Variants in GTPBP4 observed in about 807,000 individuals in gnomAD.
GTPBP4 encodes GTP-binding protein 4.
In GTPBP4, 15 loss-of-function variants were observed where a neutral mutation model predicts 81.7. The observed-to-expected ratio is 0.18, with a 90% confidence interval of 0.12 to 0.28. The LOEUF (loss-of-function observed/expected upper bound fraction) is 0.28, where lower values mean the gene tolerates loss of function less well. Among genes scored for constraint, GTPBP4 ranks in the 10% least tolerant of loss-of-function variants. GTPBP4 has a pLI of 1.00. For synonymous variants in GTPBP4, 272 were observed against 274.6 expected (o/e 0.99, Z 0.09); for missense variants, 847 against 793.8 (o/e 1.07, Z -0.81).
intron 2 of GTPBP4, among the ~76,000 whole-genome samples, chr10:993,909 G>A (rs945718423): frequency 2.6e-5 from 4 of 151,536 alleles, no homozygotes; most frequent in Admixed American, 1.3e-4. Flanking sequence ...ACAGGTGCCC[G>A]CCACCACGCC....
chr10:1,007,841 A>T, intron 10 of GTPBP4: 1 of 506,208 alleles, frequency 2.0e-6, no homozygotes, highest in Non-Finnish European at 3.9e-6. Flanking sequence ...TGTTTATGTA[A>T]TGCTGGGTGC....
chr10:996,058 T>C (rs1268758798), intron 3 of GTPBP4, 26 bp downstream of exon 3: 3 of 1,584,198 alleles, frequency 1.9e-6, no homozygotes, highest in Admixed American at 3.4e-5. Flanking sequence ...CTGTAGTGTC[T>C]TTTAAGTTAT....
At chr10:1,011,105 CCCCCA>C (rs1564470839) in intron 13 of GTPBP4, among the ~76,000 whole-genome samples, 25 of 90,126 alleles carry the variant, frequency 2.8e-4, no homozygotes, top group African/African-American at 7.4e-4. Flanking sequence ...GCACCTCTTC[CCCCCA>C]CCCCGAGACT....
At chr10:1,016,635 G>A (rs1831998874) in intron 16 of GTPBP4, among the ~76,000 whole-genome samples, 2 of 152,190 alleles carry the variant, frequency 1.3e-5, no homozygotes, top group Non-Finnish European at 2.9e-5. Context: ...TGTGTAAGAG[G>A]GAGTTAAAAC....
At chr10:989,751 T>C (rs1163424238) in intron 1 of GTPBP4, among the ~76,000 whole-genome samples, 1 of 152,192 alleles carries the variant, frequency 6.6e-6, no homozygotes, top group Admixed American at 6.5e-5. Flanking sequence ...TTTTCTTTCT[T>C]TCTTTTTGAG....
rs189497061 is a variant in GTPBP4 at position 1,014,515 on chromosome 10, C to T, written c.1608+203C>T. 1.5e-3 allele frequency among the ~76,000 whole-genome samples: 226 copies of T among 152,170 alleles called. 1 individual carries two copies. Among genetic ancestry groups the T allele is most frequent in the African/African-American group, 5.3e-3 (219 of 41,532 alleles). Reference sequence around the variant, plus strand: ...ACTAAAAAAAATACAAAAAATTAGCCGGGCGTGGTGGCGTGTGCCTGTAAT... The same window carrying T: ...ACTAAAAAAAATACAAAAAATTAGCTGGGCGTGGTGGCGTGTGCCTGTAAT... On this transcript the variant is annotated intron_variant, in intron 15 of 16. Transcript: ENST00000360803.
intron 8 of GTPBP4, among the ~76,000 whole-genome samples, chr10:1,005,064 G>A (rs1025847597): frequency 1.3e-5 from 2 of 152,182 alleles, no homozygotes; most frequent in African/African-American, 4.8e-5. Flanking sequence ...CCTCACCGTA[G>A]GGAGAACCTC....
At chr10:1,006,506 C>T (rs7082783) in intron 9 of GTPBP4, among the ~76,000 whole-genome samples, 28,340 of 152,016 alleles carry the variant, frequency 0.19, 2,769 homozygotes, top group East Asian at 0.3. Context: ...GGCGTGGTAG[C>T]GCATGCTTGT....
chr10:1,017,594 A>G lies in GTPBP4; in HGVS notation c.*367A>G, dbSNP rs1832015491. On this transcript the variant is annotated 3_prime_UTR_variant, in exon 17 of 17. Coordinates refer to ENST00000360803, the MANE Select transcript of GTPBP4 (RefSeq NM_012341.3). ...ATGAGTGTGTCGGAATCCCGTGCTT[A>G]AAATACGCTCTTAAATTATTTTCTA... The G allele has an allele frequency of 5.9e-6, 1 of 170,508 alleles. No homozygotes were observed. Among genetic ancestry groups the G allele is most frequent in the Admixed American group, 6.3e-5 (1 of 15,992 alleles). 10.6% of individuals were successfully genotyped at this position (170,508 alleles called of 1,614,324 possible).
In GTPBP4 at chr10:1,017,583, A is replaced by T. The variant is rs1482393934; in HGVS notation, c.*356A>T. The T allele has an allele frequency of 5.6e-6, 1 of 179,676 alleles. No homozygotes were observed. Among genetic ancestry groups the T allele is most frequent in the African/African-American group, 2.3e-5 (1 of 42,560 alleles). 11.1% of individuals were successfully genotyped at this position (179,676 alleles called of 1,614,324 possible). A position where few individuals can be genotyped will look rare whatever the true frequency, so the allele number is the denominator to read the frequency against. On this transcript the variant is annotated 3_prime_UTR_variant, in exon 17 of 17. Transcript: ENST00000360803. ...CAAACACGTTTATGAGTGTGTCGGA[A>T]TCCCGTGCTTAAAATACGCTCTTAA...
At chr10:1,008,791 G>T in intron 10 of GTPBP4, 167 bp from the exon 11 acceptor site, 1 of 658,536 alleles carries the variant, frequency 1.5e-6, no homozygotes, top group Non-Finnish European at 2.8e-6. Flanking sequence ...ATTGGTCTCG[G>T]TATGAACCCA....
rs1240113679 is a variant in GTPBP4 at position 1,007,176 on chromosome 10, G to T, written c.1113+48G>T. 2.9e-6 allele frequency: 3 copies of T among 1,039,036 alleles called. No homozygotes were observed. The South Asian group carries it at 3.8e-5, about 13-fold the overall frequency. The allele number at this position is 1,039,036 out of a possible 1,614,324, so 64.4% of individuals were successfully genotyped here. The stretch of plus-strand genomic sequence containing the variant: ...CGTGGGCTCACAGTACTGTCAGCAG[G>T]TGCTGTCTGCGTGCCTTTTCCAGAA... On this transcript the variant is annotated intron_variant, in intron 10 of 16. Coordinates refer to ENST00000360803, the MANE Select transcript of GTPBP4 (RefSeq NM_012341.3).
Position 1,014,386 on chromosome 10 carries a change from G to GT in GTPBP4, c.1608+75dup, listed in dbSNP as rs1432071385. On this transcript the variant is annotated intron_variant, in intron 15 of 16. Transcript: ENST00000360803. ...TAATAAAGAAAACTGGCCGGGCGTG[G>GT]TGGCTCATGCCTGTAATCCCAGCAC... 6 of 1,087,590 alleles carry GT rather than the reference G, an allele frequency of 5.5e-6. No individual in the cohort carries two copies. In the African/African-American group the frequency reaches 9.3e-5, roughly 17 times the overall value. The allele number at this position is 1,087,590 out of a possible 1,614,324, so 67.4% of individuals were successfully genotyped here. A position where few individuals can be genotyped will look rare whatever the true frequency, so the allele number is the denominator to read the frequency against.
chr10:999,180 A>C, intron 6 of GTPBP4, 85 bp downstream of exon 6: 2 of 765,646 alleles, frequency 2.6e-6, no homozygotes, highest in Non-Finnish European at 4.6e-6. Flanking sequence ...GTGCAGTGGC[A>C]TGATCTCAGT....
At chr10:996,954 A>C (rs1174451664) in intron 4 of GTPBP4, 1 of 453,404 alleles carries the variant, frequency 2.2e-6, no homozygotes, top group Admixed American at 4.0e-5. Context: ...CCTGTCACCT[A>C]ATGAATTAAA....
chr10:995,779 G>A, intron 2 of GTPBP4, 150 bp from the exon 3 acceptor site: 1 of 595,006 alleles, frequency 1.7e-6, no homozygotes, highest in South Asian at 2.0e-5. Flanking sequence ...TTTCTCAGAG[G>A]ACTAAATAGA....
At position 997,198 on chromosome 10, in the gene GTPBP4, CT is replaced by C; in HGVS notation, c.461-6del. The C allele has an allele frequency of 6.7e-7, 1 of 1,492,820 alleles. No homozygotes were observed. Among genetic ancestry groups the C allele is most frequent in the Non-Finnish European group, 9.3e-7 (1 of 1,078,262 alleles). 92.5% of individuals were successfully genotyped at this position (1,492,820 alleles called of 1,614,324 possible). On this transcript the variant is annotated splice_polypyrimidine_tract_variant and intron_variant, in intron 4 of 16. Coordinates refer to ENST00000360803, the MANE Select transcript of GTPBP4 (RefSeq NM_012341.3). ...GAATTTCTTAATTTTTCAATTTGAA[CT>C]TTTCCTAGTGCGTCAGCATTTATCC...
intron 16 of GTPBP4, among the ~76,000 whole-genome samples, chr10:1,016,599 A>G (rs1831998182): frequency 6.6e-6 from 1 of 152,234 alleles, no homozygotes; most frequent in South Asian, 2.1e-4. Context: ...TGAGGAAAAC[A>G]GGTTCATGGG....
At chr10:994,292 A>G (rs1329165977) in intron 2 of GTPBP4, among the ~76,000 whole-genome samples, 1 of 151,492 alleles carries the variant, frequency 6.6e-6, no homozygotes, top group Non-Finnish European at 1.5e-5. Flanking sequence ...TTGTTTTGAG[A>G]CAGTCTTGCT....
Sources: allele counts gnomAD v4.1 joint callset (sites outside exome capture counted in the v4.1 genomes callset), GRCh38; gene constraint gnomAD v4.1.1; transcripts MANE v1.5; gene names NCBI Gene and HGNC (gene_info 2026-07-23, HGNC 2026-07-21).